TENM3: variants seen among roughly 807,000 people sequenced by gnomAD.
The protein encoded by TENM3 is teneurin transmembrane protein 3.
Under a neutral mutation model 255.1 loss-of-function variants are expected in TENM3, and 63 were observed. The observed-to-expected ratio is 0.25, with a 90% confidence interval of 0.20 to 0.30. The LOEUF (loss-of-function observed/expected upper bound fraction) is 0.30, where lower values mean the gene tolerates loss of function less well. Among genes scored for constraint, TENM3 ranks in the 10% least tolerant of loss-of-function variants. The pLI is 1.00. For synonymous variants in TENM3, 1,306 were observed against 1,322.3 expected, an observed-to-expected ratio of 0.99 and a Z score of 0.27; for missense variants, 2,929 against 3,461.1, an observed-to-expected ratio of 0.85 and a Z score of 3.86.
At chr4:181,916,573 A>G in the TENM3 span, among the ~76,000 whole-genome samples, 11 of 152,280 alleles carry the variant, frequency 7.2e-5, 1 homozygote, top group East Asian at 7.7e-4. Context: ...AGTGTGTTTG[A>G]GATGTATTTT....
intron 6 of TENM3, among the ~76,000 whole-genome samples, chr4:182,670,389 G>A (rs1755102364): frequency 6.6e-6 from 1 of 152,164 alleles, no homozygotes; most frequent in African/African-American, 2.4e-5. Context: ...GAGAGGAAGG[G>A]AGATTATAAA....
the TENM3 span, among the ~76,000 whole-genome samples, chr4:181,624,620 G>A: frequency 6.6e-6 from 1 of 152,178 alleles, no homozygotes; most frequent in Non-Finnish European, 1.5e-5. Context: ...ATAAAATTAA[G>A]AGGAATAAAG....
chr4:182,592,418 C>G (rs936022624), intron 3 of TENM3, among the ~76,000 whole-genome samples: 5 of 152,190 alleles, frequency 3.3e-5, no homozygotes, highest in African/African-American at 9.6e-5. Context: ...GCTCTGGCCA[C>G]TGTAGTTAAA....
At chr4:182,079,842 T>G in the TENM3 span, 14 of 152,438 alleles carry the variant, frequency 9.2e-5, no homozygotes, top group African/African-American at 3.4e-4. Context: ...CGGGAAGGTC[T>G]CAGTAAAGAT....
At chr4:181,588,798 T>G in the TENM3 span, among the ~76,000 whole-genome samples, 1 of 152,184 alleles carries the variant, frequency 6.6e-6, no homozygotes, top group South Asian at 2.1e-4. Context: ...AATTTCCAAA[T>G]GTCTGTAGGG....
chr4:181,962,244 C>A, the TENM3 span, among the ~76,000 whole-genome samples: 3 of 152,160 alleles, frequency 2.0e-5, no homozygotes, highest in Non-Finnish European at 2.9e-5. Flanking sequence ...CATCCAAATC[C>A]TTTTTATCAT....
the TENM3 span, among the ~76,000 whole-genome samples, chr4:182,128,165 GA>G: frequency 6.6e-6 from 1 of 151,522 alleles, no homozygotes; most frequent in Admixed American, 6.6e-5. Context: ...AAAATCTGTG[GA>G]AAAAAACGCA....
chr4:182,529,576 C>T (rs938338786), intron 3 of TENM3, among the ~76,000 whole-genome samples: 23 of 152,094 alleles, frequency 1.5e-4, no homozygotes, highest in African/African-American at 5.6e-4. Context: ...TTCCACTCCA[C>T]CCCATTTGGT....
the TENM3 span, among the ~76,000 whole-genome samples, chr4:182,030,441 C>T: frequency 6.6e-6 from 1 of 152,122 alleles, no homozygotes; most frequent in African/African-American, 2.4e-5. Flanking sequence ...CATAGAATTC[C>T]ATGGTGTATC....
the TENM3 span, among the ~76,000 whole-genome samples, chr4:181,885,651 C>T: frequency 1.3e-5 from 2 of 152,074 alleles, no homozygotes; most frequent in African/African-American, 2.4e-5. Flanking sequence ...GCTACATGTT[C>T]GTTTCATTTG....
intron 14 of TENM3, among the ~76,000 whole-genome samples, chr4:182,729,824 A>G (rs1002657816): frequency 1.1e-4 from 16 of 152,210 alleles, no homozygotes; most frequent in Non-Finnish European, 2.2e-4. Context: ...TTGGTCCCTG[A>G]AGATTTACTG....
intron 3 of TENM3, among the ~76,000 whole-genome samples, chr4:182,529,496 T>C (rs116336025): frequency 6.7e-4 from 102 of 152,274 alleles, no homozygotes; most frequent in African/African-American, 2.4e-3. Context: ...TTGTCTAGGG[T>C]TGTGAATCCA....
intron 24 of TENM3, among the ~76,000 whole-genome samples, chr4:182,777,140 A>G (rs1402673983): frequency 6.6e-6 from 1 of 152,026 alleles, no homozygotes; most frequent in East Asian, 1.9e-4. Context: ...GCCCACCAAG[A>G]CAGTGAGAAT....
chr4:182,551,629 A>G (rs1393307589), intron 3 of TENM3, among the ~76,000 whole-genome samples: 1 of 152,170 alleles, frequency 6.6e-6, no homozygotes, highest in Non-Finnish European at 1.5e-5. Flanking sequence ...CATCATTACT[A>G]TTTCATCTGA....
At chr4:182,718,814 C>T (rs1339022606) in intron 13 of TENM3, among the ~76,000 whole-genome samples, 3 of 152,096 alleles carry the variant, frequency 2.0e-5, no homozygotes, top group East Asian at 3.9e-4. Flanking sequence ...TAGCCTGCTG[C>T]GAAGACTCAT....
chr4:181,663,339 A>G, the TENM3 span, among the ~76,000 whole-genome samples: 5 of 152,116 alleles, frequency 3.3e-5, no homozygotes, highest in African/African-American at 9.7e-5. Flanking sequence ...ACATTCCCCT[A>G]TCTAACACGG....
intron 1 of TENM3, among the ~76,000 whole-genome samples, chr4:182,255,360 A>G (rs959436795): frequency 1.3e-5 from 2 of 152,180 alleles, no homozygotes; most frequent in Non-Finnish European, 2.9e-5. Flanking sequence ...TTAGGAAGAA[A>G]GCTGATCAGC....
chr4:181,621,967 C>T, the TENM3 span, among the ~76,000 whole-genome samples: 1 of 152,206 alleles, frequency 6.6e-6, no homozygotes, highest in Non-Finnish European at 1.5e-5. Flanking sequence ...AGTTAATTCA[C>T]CTGACATACG....
chr4:181,964,940 G>T, the TENM3 span, among the ~76,000 whole-genome samples: 1 of 152,160 alleles, frequency 6.6e-6, no homozygotes, highest in East Asian at 1.9e-4. Context: ...TATTAGCCAC[G>T]TTAGGGCATT....
Sources: allele counts gnomAD v4.1 joint callset (sites outside exome capture counted in the v4.1 genomes callset), GRCh38; gene constraint gnomAD v4.1.1; transcripts MANE v1.5; gene names NCBI Gene and HGNC (gene_info 2026-07-23, HGNC 2026-07-21).